JAK1: variants seen among roughly 807,000 people sequenced by gnomAD.
The protein encoded by JAK1 is Janus kinase 1, also known as tyrosine-protein kinase JAK1.
A neutral mutation model predicts 136.6 loss-of-function variants in JAK1; 16 were observed. The ratio of observed to expected loss-of-function variants is 0.12; its 90% confidence interval spans 0.08 to 0.18. The LOEUF (loss-of-function observed/expected upper bound fraction) is 0.18, where lower values mean the gene tolerates loss of function less well. Among genes scored for constraint, JAK1 ranks in the 10% least tolerant of loss-of-function variants. The probability of loss-of-function intolerance (pLI) is 1.00; values close to 1 mark genes in which losing one functional copy is unlikely to be tolerated. For missense variants in JAK1, 859 were observed against 1,450.1 expected, an observed-to-expected ratio of 0.59 and a Z score of 6.62; for synonymous variants, 492 against 519.5, an observed-to-expected ratio of 0.95 and a Z score of 0.72.
At chr1:64,838,184 A>G (rs1470192672) in intron 21 of JAK1, 80 bp from the exon 22 acceptor site, 4 of 1,375,846 alleles carry the variant, frequency 2.9e-6, no homozygotes, top group Admixed American at 2.6e-5. Context: ...CAGAAAAAAT[A>G]GAAATGTCAT....
At position 64,837,988 on chromosome 1, in the gene JAK1, A is replaced by G; in HGVS notation, c.3084T>C (p.Ile1028=). 1 of 1,614,198 alleles carries G rather than the reference A, an allele frequency of 6.2e-7. No homozygotes were observed. The highest frequency in any genetic ancestry group is 1.3e-5 in the African/African-American group (1 of 75,042). The change falls in exon 22 of 25, where the codon ATT becomes ATC. Residue 1028 remains isoleucine, a synonymous_variant. Transcript: ENST00000342505. ...KIGDFGLTKA[I]ETDKEYYTVK... Reference sequence around the variant, plus strand: ...CGGTGTAATACTCCTTATCGGTTTCAATTGCTTTGGTTAAACCGAAGTCTC... The same window carrying G: ...CGGTGTAATACTCCTTATCGGTTTCGATTGCTTTGGTTAAACCGAAGTCTC...
chr1:65,013,557 C>T (rs1191497869), intron 2 of JAK1, among the ~76,000 whole-genome samples: 2 of 152,152 alleles, frequency 1.3e-5, no homozygotes, highest in Non-Finnish European at 2.9e-5. Context: ...TTTGTAATCA[C>T]TTGCTGGCAT....
chr1:64,847,773 G>A (rs1655332857), intron 12 of JAK1, 98 bp from the exon 13 acceptor site: 3 of 1,391,440 alleles, frequency 2.2e-6, no homozygotes, highest in African/African-American at 2.9e-5. Flanking sequence ...CTATCAATGG[G>A]ATGGGGCAAA....
chr1:65,042,868 GCTCC>G (rs1180048096), intron 2 of JAK1, among the ~76,000 whole-genome samples: 56 of 152,322 alleles, frequency 3.7e-4, no homozygotes, highest in South Asian at 1.4e-3. Context: ...TCCAAGGCAA[GCTCC>G]GGCTTCAGTT....
At chr1:64,858,701 CAT>C (rs1328354011) in intron 9 of JAK1, among the ~76,000 whole-genome samples, 1 of 152,152 alleles carries the variant, frequency 6.6e-6, no homozygotes, top group African/African-American at 2.4e-5. Flanking sequence ...TTGGGAAGCT[CAT>C]ATTCTGGGAG....
chr1:64,884,833 G>A (rs1644827776), intron 2 of JAK1, among the ~76,000 whole-genome samples: 1 of 152,156 alleles, frequency 6.6e-6, no homozygotes, highest in Non-Finnish European at 1.5e-5. Flanking sequence ...ACTAGCCACA[G>A]GAAATTTAAG....
chr1:64,948,464 C>G (rs369868114), intron 1 of JAK1, among the ~76,000 whole-genome samples: 65 of 152,328 alleles, frequency 4.3e-4, no homozygotes, highest in African/African-American at 1.6e-3. Context: ...CTGTGTTCCC[C>G]AAGGAGTGTA....
At chr1:64,842,634 G>A (rs1654978160) in intron 17 of JAK1, among the ~76,000 whole-genome samples, 1 of 152,188 alleles carries the variant, frequency 6.6e-6, no homozygotes, top group South Asian at 2.1e-4. Context: ...TTTTATTAAA[G>A]ACACGGGTCC....
chr1:65,011,602 C>T (rs1041239795), intron 2 of JAK1, among the ~76,000 whole-genome samples: 5 of 152,122 alleles, frequency 3.3e-5, no homozygotes, highest in Non-Finnish European at 7.3e-5. Flanking sequence ...ACTGACATAT[C>T]GAAGGTTATA....
intron 1 of JAK1, among the ~76,000 whole-genome samples, chr1:64,892,784 G>A (rs1236934591): frequency 1.4e-4 from 21 of 152,208 alleles, no homozygotes; most frequent in African/African-American, 4.8e-4. Flanking sequence ...TGAGAGGTGA[G>A]ATAGGTCTCA....
chr1:65,033,755 C>T (rs1377277311), intron 2 of JAK1, among the ~76,000 whole-genome samples: 4 of 143,164 alleles, frequency 2.8e-5, no homozygotes, highest in African/African-American at 8.1e-5. Context: ...GAAACACTTC[C>T]GTATAGTATG....
chr1:64,883,906 A>G (rs1309095330), intron 2 of JAK1, among the ~76,000 whole-genome samples: 1 of 152,166 alleles, frequency 6.6e-6, no homozygotes, highest in African/African-American at 2.4e-5. Flanking sequence ...CTTTGAACAG[A>G]CTTATGGCAA....
At chr1:65,001,729 T>TA (rs796783154) in intron 2 of JAK1, among the ~76,000 whole-genome samples, 2 of 148,782 alleles carry the variant, frequency 1.3e-5, no homozygotes, top group East Asian at 3.9e-4. Flanking sequence ...GTGCGTGTGG[T>TA]ATGTGTGTTT....
At chr1:64,878,115 AT>A (rs1445451164) in intron 4 of JAK1, among the ~76,000 whole-genome samples, 2 of 152,184 alleles carry the variant, frequency 1.3e-5, no homozygotes, top group Non-Finnish European at 2.9e-5. Context: ...CCTGCATTCT[AT>A]TAGCATCTGA....
At chr1:64,951,265 C>T (rs1226060800) in intron 1 of JAK1, among the ~76,000 whole-genome samples, 2 of 152,168 alleles carry the variant, frequency 1.3e-5, no homozygotes, top group African/African-American at 4.8e-5. Context: ...AGTCTCAATT[C>T]GACCTAGCAT....
intron 1 of JAK1, among the ~76,000 whole-genome samples, chr1:65,061,355 A>G (rs1006113825): frequency 1.3e-5 from 2 of 152,144 alleles, no homozygotes; most frequent in African/African-American, 4.8e-5. Context: ...TGACTGCACC[A>G]CTACACTCCA....
intron 1 of JAK1, among the ~76,000 whole-genome samples, chr1:64,887,155 T>C (rs184928066): frequency 1.9e-4 from 29 of 152,272 alleles, no homozygotes; most frequent in Admixed American, 1.9e-3. Context: ...CGTCAGGATG[T>C]TGTTAGCTCT....
intron 1 of JAK1, among the ~76,000 whole-genome samples, chr1:65,049,099 G>A (rs1647219342): frequency 1.3e-5 from 2 of 152,126 alleles, no homozygotes; most frequent in African/African-American, 2.4e-5. Context: ...CCCTTCCAGG[G>A]GCAGCTGTAA....
At chr1:64,878,013 T>A (rs77041261) in intron 4 of JAK1, among the ~76,000 whole-genome samples, 1 of 152,354 alleles carries the variant, frequency 6.6e-6, no homozygotes, top group East Asian at 1.9e-4. Flanking sequence ...CCAGTCATTG[T>A]GTAATGGTGA....
Sources: allele counts gnomAD v4.1 joint callset (sites outside exome capture counted in the v4.1 genomes callset), GRCh38; gene constraint gnomAD v4.1.1; transcripts MANE v1.5; gene names NCBI Gene and HGNC (gene_info 2026-07-23, HGNC 2026-07-21).